EIF4E3: variants seen among roughly 807,000 people sequenced by gnomAD.
EIF4E3 encodes the protein eukaryotic translation initiation factor 4E type 3.
Under a neutral mutation model 31.7 loss-of-function variants are expected in EIF4E3, and 26 were observed. The observed-to-expected ratio is 0.82, with a 90% CI of 0.60 to 1.14. The LOEUF (loss-of-function observed/expected upper bound fraction) is 1.14, where lower values mean the gene tolerates loss of function less well. EIF4E3 is among the 50% of genes most tolerant of loss of function. The probability of loss-of-function intolerance (pLI) is 0.00; values close to 1 mark genes in which losing one functional copy is unlikely to be tolerated. For synonymous variants in EIF4E3, 128 were observed against 107.7 expected (o/e 1.19, Z -1.17); for missense variants, 304 against 270.9 (o/e 1.12, Z -0.86).
chr3:71,686,337 G>T (rs1191005690), intron 6 of EIF4E3, among the ~76,000 whole-genome samples: 1 of 152,068 alleles, frequency 6.6e-6, no homozygotes, highest in Non-Finnish European at 1.5e-5. Context: ...TGCTGAGGGG[G>T]TGGATGGAAC....
At chr3:71,710,332 A>C (rs945806831) in intron 2 of EIF4E3, 80 bp downstream of exon 2, 9 of 1,471,406 alleles carry the variant, frequency 6.1e-6, no homozygotes, top group Non-Finnish European at 8.4e-6. Flanking sequence ...GGCTGCCAGC[A>C]CAGCAACAGA....
the EIF4E3 span, among the ~76,000 whole-genome samples, chr3:71,666,830 C>T: frequency 0.084 from 12,771 of 151,830 alleles, 1,414 homozygotes; most frequent in African/African-American, 0.25. Context: ...TCCAGGCTAC[C>T]CAGAAGGCTG....
At chr3:71,751,058 G>A (rs1343607471) in intron 1 of EIF4E3, among the ~76,000 whole-genome samples, 4 of 151,882 alleles carry the variant, frequency 2.6e-5, no homozygotes, top group African/African-American at 7.3e-5. Flanking sequence ...CACCGCATCC[G>A]GCCTCTACAA....
intron 1 of EIF4E3, among the ~76,000 whole-genome samples, chr3:71,710,781 C>T (rs1291503948): frequency 6.6e-6 from 1 of 151,942 alleles, no homozygotes; most frequent in Non-Finnish European, 1.5e-5. Context: ...TAAAACATAC[C>T]AAAATAACCT....
At chr3:71,673,335 C>T (rs944732903), downstream of EIF4E3, among the ~76,000 whole-genome samples, 5 of 152,092 alleles carry the variant, frequency 3.3e-5, no homozygotes, top group African/African-American at 9.7e-5. Flanking sequence ...GACTGCTACC[C>T]CTCAGGTATA....
At position 71,721,920 on chromosome 3, in the gene EIF4E3, G is replaced by C. The variant is rs185359222; in HGVS notation, c.176+3272C>G. On this transcript the variant is annotated intron_variant, in intron 1 of 6. Transcript: ENST00000425534. ...GGAGGTGAGAGCACTCCAAGCAGTAGGGGGTGTCAGTGGCTAAGGTCCCTG... is the reference window on the plus strand; with the variant it reads ...GGAGGTGAGAGCACTCCAAGCAGTACGGGGTGTCAGTGGCTAAGGTCCCTG... Among the ~76,000 whole-genome samples, 25 of 152,244 alleles carry C rather than the reference G, an allele frequency of 1.6e-4. No individual in the cohort carries two copies. In the East Asian group the frequency reaches 4.8e-3, roughly 29 times the overall value.
At chr3:71,700,517 G>A (rs1341725650) in intron 2 of EIF4E3, among the ~76,000 whole-genome samples, 1 of 151,874 alleles carries the variant, frequency 6.6e-6, no homozygotes, top group African/African-American at 2.4e-5. Flanking sequence ...GGGAGGCTGA[G>A]GCAGGAGAAT....
chr3:71,722,898 A>G (rs1344441627), intron 1 of EIF4E3, among the ~76,000 whole-genome samples: 2 of 152,192 alleles, frequency 1.3e-5, no homozygotes, highest in Non-Finnish European at 2.9e-5. Context: ...CATGTCTCTC[A>G]TTTAATCCTC....
At chr3:71,692,632 G>A (rs1165468202) in intron 5 of EIF4E3, among the ~76,000 whole-genome samples, 2 of 147,118 alleles carry the variant, frequency 1.4e-5, no homozygotes, top group African/African-American at 2.5e-5. Flanking sequence ...GTCTCACTCT[G>A]TCACCCAGGC....
chr3:71,718,295 G>C (rs544031779), intron 1 of EIF4E3, among the ~76,000 whole-genome samples: 149 of 152,358 alleles, frequency 9.8e-4, no homozygotes, highest in African/African-American at 3.1e-3. Context: ...CTTCCTGTCT[G>C]ATCAAGAGTC....
chr3:71,744,839 A>C (rs906100736), intron 1 of EIF4E3, among the ~76,000 whole-genome samples: 7 of 152,224 alleles, frequency 4.6e-5, no homozygotes, highest in Non-Finnish European at 5.9e-5. Context: ...ATAAAACAAG[A>C]AAGAGAAAGA....
At chr3:71,731,857 C>A (rs1033561394) in intron 1 of EIF4E3, among the ~76,000 whole-genome samples, 1 of 152,066 alleles carries the variant, frequency 6.6e-6, no homozygotes, top group Non-Finnish European at 1.5e-5. Flanking sequence ...CCTTGACCCC[C>A]TTTTTCAAAT....
In EIF4E3 at chr3:71,677,814, C is replaced by G. The variant is rs948887828; in HGVS notation, c.*6868G>C. The G allele has an allele frequency of 6.6e-6, 1 of 152,146 alleles. No individual in the cohort carries two copies. Among genetic ancestry groups the G allele is most frequent in the Non-Finnish European group, 1.5e-5 (1 of 68,018 alleles). The allele number at this position is 152,146 out of a possible 1,614,324, so 9.4% of individuals were successfully genotyped here. The stretch of plus-strand genomic sequence containing the variant: ...CAGCCAGAAAGGAGGAGTAAATTCA[C>G]TTTACTTGCCGAAACAGGGGACAAC... On this transcript the variant is annotated 3_prime_UTR_variant, in exon 7 of 7. Transcript: ENST00000425534.
intron 1 of EIF4E3, among the ~76,000 whole-genome samples, chr3:71,721,994 G>T (rs950401266): frequency 6.6e-6 from 1 of 150,486 alleles, no homozygotes; most frequent in African/African-American, 2.5e-5. Flanking sequence ...AGAAAGAAGG[G>T]CATGGCAGAA....
chr3:71,669,095 AG>A, the EIF4E3 span, among the ~76,000 whole-genome samples: 1 of 152,186 alleles, frequency 6.6e-6, no homozygotes, highest in Non-Finnish European at 1.5e-5. Flanking sequence ...TGTCCTTTGC[AG>A]GGACATGGAT....
upstream of EIF4E3, among the ~76,000 whole-genome samples, chr3:71,728,276 A>G (rs1163824289): frequency 6.6e-6 from 1 of 152,216 alleles, no homozygotes; most frequent in East Asian, 1.9e-4. Context: ...TCCTGTTTGA[A>G]ATATGTAAGA....
intron 1 of EIF4E3, among the ~76,000 whole-genome samples, chr3:71,718,756 G>C (rs1254207249): frequency 6.6e-6 from 1 of 152,228 alleles, no homozygotes; most frequent in African/African-American, 2.4e-5. Context: ...TTTTCTGCAA[G>C]AAGCAACCAC....
intron 1 of EIF4E3, among the ~76,000 whole-genome samples, chr3:71,713,851 G>A (rs73088638): frequency 0.095 from 14,389 of 152,002 alleles, 719 homozygotes; most frequent in African/African-American, 0.11. Context: ...AACCAAAAGG[G>A]TTACACTCAA....
chr3:71,696,743 G>T (rs12106767), intron 3 of EIF4E3, among the ~76,000 whole-genome samples: 29,515 of 147,740 alleles, frequency 0.2, 3,442 homozygotes, highest in African/African-American at 0.33. Flanking sequence ...TTTGAGACAG[G>T]CTCGCTCTGT....
Sources: allele counts gnomAD v4.1 joint callset (sites outside exome capture counted in the v4.1 genomes callset), GRCh38; gene constraint gnomAD v4.1.1; transcripts MANE v1.5; gene names NCBI Gene and HGNC (gene_info 2026-07-23, HGNC 2026-07-21).